RFPL1: variants seen among roughly 807,000 people sequenced by gnomAD.
RFPL1 encodes ret finger protein like 1.
Under a neutral mutation model 9.6 loss-of-function variants are expected in RFPL1, and 6 were observed. The ratio of observed to expected loss-of-function variants is 0.62; its 90% confidence interval spans 0.34 to 1.23. The LOEUF (loss-of-function observed/expected upper bound fraction) is 1.23. Ranked by LOEUF, RFPL1 falls within the 50% of genes most tolerant of loss-of-function variation. RFPL1 has a pLI of 0.03. For missense variants in RFPL1, 352 were observed against 398.4 expected (o/e 0.88, Z 0.99); for synonymous variants, 145 against 149.4 (o/e 0.97, Z 0.22).
chr22:29,412,910 G>A, the RFPL1 span, among the ~76,000 whole-genome samples: 4 of 152,102 alleles, frequency 2.6e-5, no homozygotes, highest in Non-Finnish European at 4.4e-5. Flanking sequence ...TGTCTAGACA[G>A]GGTGTGCAGG....
chr22:29,425,060 C>T, the RFPL1 span, among the ~76,000 whole-genome samples: 19 of 151,050 alleles, frequency 1.3e-4, no homozygotes, highest in East Asian at 2.7e-3. Flanking sequence ...AAAAATTAGC[C>T]GGGCGTGGTG....
chr22:29,438,074 G>C (rs2062817300), upstream of RFPL1: 1 of 166,180 alleles, frequency 6.0e-6, no homozygotes, highest in African/African-American at 3.7e-5. Flanking sequence ...GGGTCTTCCT[G>C]TGTTGCCCAG....
rs1214991934 is a variant in RFPL1 at position 29,441,706 on chromosome 22, C to G, written c.538C>G (p.His180Asp). The change falls in exon 2 of 2, where the codon CAC (histidine) becomes GAC (aspartate). Residue 180 changes from histidine to aspartate, a missense_variant. Coordinates refer to ENST00000354373, the Ensembl canonical transcript of RFPL1. ...CTCCCCTCGCTTTACCTGTGGCCGC[C>G]ACTACTGGGAGGTGGACGTGGGAAC... 1.9e-6 allele frequency: 3 copies of G among 1,613,898 alleles called. No homozygotes were observed. The Admixed American group carries it at 5.0e-5, about 27-fold the overall frequency.
At chr22:29,399,692 G>GT in the RFPL1 span, among the ~76,000 whole-genome samples, 1 of 152,152 alleles carries the variant, frequency 6.6e-6, no homozygotes, top group Non-Finnish European at 1.5e-5. Flanking sequence ...TGAAGCAACC[G>GT]TTTTCCTCCT....
At chr22:29,389,542 C>T in the RFPL1 span, among the ~76,000 whole-genome samples, 3 of 150,738 alleles carry the variant, frequency 2.0e-5, no homozygotes, top group Non-Finnish European at 3.0e-5. Context: ...AAATATTAGC[C>T]GGGTGTGGTG....
upstream of RFPL1, chr22:29,437,794 G>C (rs1158827793): frequency 1.4e-6 from 2 of 1,476,158 alleles, no homozygotes; most frequent in Non-Finnish European, 1.8e-6. Context: ...GTTATGCCTT[G>C]GGGGATGAAT....
chr22:29,429,821 T>C, the RFPL1 span, among the ~76,000 whole-genome samples: 4 of 152,216 alleles, frequency 2.6e-5, no homozygotes, highest in Non-Finnish European at 4.4e-5. Context: ...GTAGCAACTG[T>C]ATATGCCAAC....
the RFPL1 span, among the ~76,000 whole-genome samples, chr22:29,401,060 C>G: frequency 1.2e-3 from 181 of 152,294 alleles, 2 homozygotes; most frequent in African/African-American, 4.3e-3. Context: ...ATTCCCCAAG[C>G]CTCCTTTCTC....
In RFPL1 at chr22:29,441,635, G is replaced by A. The variant is rs769214763; in HGVS notation, c.467G>A (p.Arg156Gln). 15 of 1,613,730 alleles carry A rather than the reference G, an allele frequency of 9.3e-6. No individual in the cohort carries two copies. In the East Asian group the frequency reaches 2.2e-4, roughly 24 times the overall value. Residue 156 changes from arginine (R) to glutamine (Q), a missense_variant, in exon 2 of 2, where the codon CGG (arginine) becomes CAG (glutamine). Coordinates refer to ENST00000354373, the Ensembl canonical transcript of RFPL1. ...CGAAGTGGGTGCATCACACAGAATC[G>A]GCAAGACCTTGCCGAGAGATTTGAC...
At chr22:29,441,017 C>G (rs1392944671) in intron 1 of RFPL1, 1 of 155,014 alleles carries the variant, frequency 6.5e-6, no homozygotes, top group Non-Finnish European at 1.4e-5. Context: ...TCCTAATGTC[C>G]AGGACCGGCA....
chr22:29,432,252 T>G, the RFPL1 span, among the ~76,000 whole-genome samples: 1 of 152,226 alleles, frequency 6.6e-6, no homozygotes, highest in South Asian at 2.1e-4. Context: ...GATAAGATAC[T>G]GTGGCAAACT....
chr22:29,389,500 C>T, the RFPL1 span, among the ~76,000 whole-genome samples: 2 of 151,612 alleles, frequency 1.3e-5, no homozygotes, highest in Non-Finnish European at 2.9e-5. Flanking sequence ...TCCTGGTTAA[C>T]ATGGTGAAAC....
chr22:29,418,715 G>T, the RFPL1 span, among the ~76,000 whole-genome samples: 374 of 152,114 alleles, frequency 2.5e-3, 1 homozygote, highest in Non-Finnish European at 7.8e-4. Flanking sequence ...GGCCAGGCTG[G>T]TGTCGAACTC....
chr22:29,439,239 T>A (rs2062825493), intron 1 of RFPL1, 75 bp downstream of exon 1: 3 of 1,533,054 alleles, frequency 2.0e-6, no homozygotes, highest in Admixed American at 2.0e-5. Flanking sequence ...GGCCCCTCAT[T>A]CCATATGGGG....
At chr22:29,418,268 T>G in the RFPL1 span, among the ~76,000 whole-genome samples, 4 of 152,028 alleles carry the variant, frequency 2.6e-5, no homozygotes, top group African/African-American at 9.7e-5. Context: ...GCTGGGTCAC[T>G]GGGCGCTCCC....
chr22:29,436,068 G>A (rs1332950367), upstream of RFPL1, among the ~76,000 whole-genome samples: 1 of 152,042 alleles, frequency 6.6e-6, no homozygotes, highest in Admixed American at 6.6e-5. Flanking sequence ...GGGAGCTTGG[G>A]GAGAGGTTGG....
At chr22:29,394,132 A>G in the RFPL1 span, among the ~76,000 whole-genome samples, 1 of 152,100 alleles carries the variant, frequency 6.6e-6, no homozygotes, top group Non-Finnish European at 1.5e-5. Context: ...ACTTTTCTCC[A>G]AGCCCCAGTG....
At chr22:29,441,902 T>C in exon 2 of RFPL1, 2 of 1,612,596 alleles carry the variant, frequency 1.2e-6, no homozygotes, top group Non-Finnish European at 1.7e-6. Context: ...TTACAGCGAG[T>C]GGGGATTTTT....
the RFPL1 span, among the ~76,000 whole-genome samples, chr22:29,416,180 G>A: frequency 2.0e-5 from 3 of 152,240 alleles, no homozygotes; most frequent in Non-Finnish European, 2.9e-5. Flanking sequence ...GGGAAAACCT[G>A]ATCCAGACAT....
Sources: allele counts gnomAD v4.1 joint callset (sites outside exome capture counted in the v4.1 genomes callset), GRCh38; gene constraint gnomAD v4.1.1; transcripts MANE v1.5; gene names NCBI Gene and HGNC (gene_info 2026-07-23, HGNC 2026-07-21).